Variants in ZNF385D observed in about 807,000 individuals in gnomAD.
ZNF385D encodes the protein zinc finger protein 659.
A neutral mutation model predicts 35.8 loss-of-function variants in ZNF385D; 15 were observed. That is an observed-to-expected ratio of 0.42 (90% confidence interval 0.28 to 0.64). The LOEUF is 0.64. Ranked by LOEUF, ZNF385D falls within the 30% of genes least tolerant of loss-of-function variation. The pLI is 0.23. For missense variants in ZNF385D, 474 were observed against 494.6 expected (o/e 0.96, Z 0.39); for synonymous variants, 212 against 186.8 (o/e 1.13, Z -1.10).
At chr3:22,246,173 C>T (rs1443114712) in intron 2 of ZNF385D, among the ~76,000 whole-genome samples, 1 of 152,182 alleles carries the variant, frequency 6.6e-6, no homozygotes, top group Non-Finnish European at 1.5e-5. Flanking sequence ...ATACTTCACA[C>T]AAGAAACATA....
At chr3:22,210,608 T>C (rs937970092) in intron 2 of ZNF385D, among the ~76,000 whole-genome samples, 9 of 151,876 alleles carry the variant, frequency 5.9e-5, no homozygotes, top group Non-Finnish European at 7.4e-5. Flanking sequence ...TATAGATAAA[T>C]ATAAAATCAA....
At chr3:21,727,121 G>T (rs907809683) in intron 1 of ZNF385D, among the ~76,000 whole-genome samples, 2 of 152,174 alleles carry the variant, frequency 1.3e-5, no homozygotes, top group Non-Finnish European at 2.9e-5. Flanking sequence ...CTAGCTATAT[G>T]CAGAAAACTG....
chr3:22,196,725 C>A (rs1696447324), intron 2 of ZNF385D, among the ~76,000 whole-genome samples: 1 of 151,992 alleles, frequency 6.6e-6, no homozygotes, highest in Non-Finnish European at 1.5e-5. Context: ...TACAATTCTA[C>A]ATTTGTTTAA....
intron 2 of ZNF385D, among the ~76,000 whole-genome samples, chr3:22,295,134 G>A (rs540578632): frequency 8.5e-5 from 13 of 152,104 alleles, no homozygotes; most frequent in African/African-American, 3.1e-4. Flanking sequence ...AACTTGTTTG[G>A]AATTATATAC....
In ZNF385D at chr3:21,873,460, C is replaced by T. The variant is rs554128107; in HGVS notation, c.326-208432G>A. On this transcript the variant is annotated intron_variant, in intron 3 of 5. Coordinates refer to the ZNF385D transcript ENST00000494108. ...ATTTTTTCTATGTATCTACTTATTGCCATATTTTCTCTTTCTTATTGTGGT... is the reference window on the plus strand; with the variant it reads ...ATTTTTTCTATGTATCTACTTATTGTCATATTTTCTCTTTCTTATTGTGGT... Among the ~76,000 whole-genome samples the T allele has an allele frequency of 2.6e-5, 4 of 152,120 alleles. No homozygotes were observed. The South Asian group carries it at 8.3e-4, about 32-fold the overall frequency.
intron 3 of ZNF385D, among the ~76,000 whole-genome samples, chr3:21,556,129 A>G (rs1413661560): frequency 3.8e-5 from 3 of 77,998 alleles, no homozygotes; most frequent in Admixed American, 3.6e-4. Context: ...TTAGACCTTT[A>G]TCAGATGGAT....
At position 21,718,227 on chromosome 3, in the gene ZNF385D, T is replaced by C. The variant is rs138634457; in HGVS notation, c.22+32668A>G. ...AAGCCCACTGGGAGATTTCTTGGAA[T>C]GCTTTTCCAGATTTACTCCTGATCA... On this transcript the variant is annotated intron_variant, in intron 1 of 7. Coordinates refer to ENST00000281523, the MANE Select transcript of ZNF385D (RefSeq NM_024697.3). 1.8e-4 allele frequency among the ~76,000 whole-genome samples: 28 copies of C among 152,364 alleles called. No individual in the cohort carries two copies. The East Asian group carries it at 5.4e-3, about 29-fold the overall frequency.
At chr3:21,543,224 T>C (rs163484) in intron 3 of ZNF385D, among the ~76,000 whole-genome samples, 73,584 of 151,772 alleles carry the variant, frequency 0.48, 17,882 homozygotes, top group Admixed American at 0.5. Flanking sequence ...GGCAGGAGAA[T>C]CACTTGAAGC....
At chr3:21,538,451 T>C (rs1477218211) in intron 3 of ZNF385D, among the ~76,000 whole-genome samples, 1 of 152,152 alleles carries the variant, frequency 6.6e-6, no homozygotes, top group Non-Finnish European at 1.5e-5. Context: ...TCTTTTACAC[T>C]CTTCAGTGAC....
intron 5 of ZNF385D, among the ~76,000 whole-genome samples, chr3:21,432,666 A>G (rs1404036840): frequency 2.6e-5 from 4 of 152,036 alleles, no homozygotes; most frequent in African/African-American, 9.7e-5. Context: ...TCTATAGCAT[A>G]TAGGTCAAGG....
chr3:21,832,626 A>G (rs1164167016), intron 3 of ZNF385D, among the ~76,000 whole-genome samples: 2 of 152,176 alleles, frequency 1.3e-5, no homozygotes, highest in African/African-American at 4.8e-5. Flanking sequence ...AATTTGCATT[A>G]TTCAACTTCA....
intron 3 of ZNF385D, among the ~76,000 whole-genome samples, chr3:21,826,679 C>T (rs766826534): frequency 5.9e-5 from 9 of 152,064 alleles, no homozygotes; most frequent in Non-Finnish European, 1.3e-4. Context: ...GGGATACATT[C>T]CTTAAGTTCC....
chr3:22,179,367 C>T (rs577922493), intron 2 of ZNF385D, among the ~76,000 whole-genome samples: 2 of 152,310 alleles, frequency 1.3e-5, no homozygotes, highest in Non-Finnish European at 2.9e-5. Flanking sequence ...GGAGTTCACT[C>T]ATGATTTGGC....
At chr3:21,807,412 T>A (rs2072701735) in intron 3 of ZNF385D, among the ~76,000 whole-genome samples, 1 of 152,162 alleles carries the variant, frequency 6.6e-6, no homozygotes, top group Admixed American at 6.5e-5. Flanking sequence ...TGTAAACAAT[T>A]GCAATCATTT....
At position 22,057,734 on chromosome 3, in the gene ZNF385D, G is replaced by A. The variant is rs573462193; in HGVS notation, c.325+111083C>T. Among the ~76,000 whole-genome samples the A allele has an allele frequency of 1.6e-3, 238 of 152,044 alleles. 1 individual carries two copies. Among genetic ancestry groups the A allele is most frequent in the African/African-American group, 1.6e-3 (66 of 41,514 alleles). ...TCACCATGTTGGTCAGGCTGGTCTC[G>A]AACTCCTGACCTCAGGTGATCCACC... On this transcript the variant is annotated intron_variant, in intron 3 of 5. Coordinates refer to the ZNF385D transcript ENST00000494108.
chr3:22,036,684 C>A (rs796374257), intron 3 of ZNF385D, among the ~76,000 whole-genome samples: 1 of 147,854 alleles, frequency 6.8e-6, no homozygotes. Context: ...GAATACAATA[C>A]GAGAAAGAAG....
At chr3:22,202,512 T>C (rs1683953865) in intron 2 of ZNF385D, among the ~76,000 whole-genome samples, 1 of 152,060 alleles carries the variant, frequency 6.6e-6, no homozygotes, top group Admixed American at 6.6e-5. Context: ...AATGGAAGCT[T>C]CTACTGACTG....
At chr3:21,612,157 C>T (rs1314109619) in intron 2 of ZNF385D, among the ~76,000 whole-genome samples, 1 of 152,158 alleles carries the variant, frequency 6.6e-6, no homozygotes, top group Non-Finnish European at 1.5e-5. Flanking sequence ...CGGCTCAGTG[C>T]AACCTCCGCC....
intron 3 of ZNF385D, among the ~76,000 whole-genome samples, chr3:21,924,117 C>G (rs1290498696): frequency 6.6e-6 from 1 of 152,108 alleles, no homozygotes; most frequent in East Asian, 1.9e-4. Flanking sequence ...CAGAAATAAA[C>G]AATTTATGCA....
Sources: allele counts gnomAD v4.1 joint callset (sites outside exome capture counted in the v4.1 genomes callset), GRCh38; gene constraint gnomAD v4.1.1; transcripts MANE v1.5; gene names NCBI Gene and HGNC (gene_info 2026-07-23, HGNC 2026-07-21).